The following DACH2 variants were observed in gnomAD, a reference collection of about 807,000 sequenced individuals.
DACH2 encodes dachshund homolog 2.
DACH2 carries 17 observed loss-of-function variants against 35.8 expected under a neutral mutation model. The observed-to-expected ratio is 0.48, with a 90% CI of 0.33 to 0.71. The LOEUF (loss-of-function observed/expected upper bound fraction) is 0.71. Among genes scored for constraint, DACH2 ranks in the 30% least tolerant of loss-of-function variants. The probability of loss-of-function intolerance (pLI) is 0.02; values close to 1 mark genes in which losing one functional copy is unlikely to be tolerated. For missense variants in DACH2, 469 were observed against 472.7 expected (o/e 0.99, Z 0.07); for synonymous variants, 195 against 177.3 (o/e 1.10, Z -0.79).
chrX:86,525,057 G>T (rs1438885330), intron 3 of DACH2, among the ~76,000 whole-genome samples: 1 of 111,605 alleles, frequency 9.0e-6, no homozygotes, highest in Non-Finnish European at 1.9e-5. Flanking sequence ...TGAAGAAAAT[G>T]AGTTTTTAAG....
intron 3 of DACH2, among the ~76,000 whole-genome samples, chrX:86,597,860 T>C (rs1423166540): frequency 1.8e-5 from 2 of 111,798 alleles, no homozygotes; most frequent in East Asian, 2.8e-4. Flanking sequence ...TATATTGTAT[T>C]AGTCCGTTTT....
At chrX:86,254,046 A>G (rs1245068357) in intron 1 of DACH2, among the ~76,000 whole-genome samples, 1 of 112,226 alleles carries the variant, frequency 8.9e-6, no homozygotes, top group African/African-American at 3.2e-5. Flanking sequence ...ATATTAAGTT[A>G]AAAAGAATCA....
At position 86,148,809 on chromosome X, in the gene DACH2, C is replaced by A; in HGVS notation, c.189C>A (p.Thr63=). 8.3e-7 allele frequency: 1 copy of A among 1,211,692 alleles called. No homozygotes were observed. The highest frequency in any genetic ancestry group is 1.1e-6 in the Non-Finnish European group (1 of 895,535). ...CCGGAGGCGGCGGCAGGGGCAACAC[C>A]AACACCAACGAGTGCCGCATGGTCG... ...NSAGGGGRGN[T]NTNECRMVDM... Residue 63 remains threonine, a synonymous_variant, in exon 1 of 12, where the codon ACC becomes ACA. Coordinates refer to ENST00000373125, the MANE Select transcript of DACH2 (RefSeq NM_053281.3).
chrX:86,762,824 A>T (rs1569479362), intron 7 of DACH2, among the ~76,000 whole-genome samples: 1 of 111,835 alleles, frequency 8.9e-6, no homozygotes, highest in Admixed American at 9.5e-5. Flanking sequence ...AAACAATCCA[A>T]TTAAATTCTT....
At chrX:86,542,451 C>G (rs1384301333) in intron 3 of DACH2, among the ~76,000 whole-genome samples, 3 of 111,144 alleles carry the variant, frequency 2.7e-5, no homozygotes, top group African/African-American at 9.8e-5. Context: ...GTCAGGGCAA[C>G]CTTTGGGGTG....
chrX:86,778,940 C>G (rs1440175401), intron 7 of DACH2, among the ~76,000 whole-genome samples: 1 of 111,484 alleles, frequency 9.0e-6, no homozygotes, highest in African/African-American at 3.3e-5. Context: ...ATTTCACAAA[C>G]ATTTATTGAC....
intron 2 of DACH2, among the ~76,000 whole-genome samples, chrX:86,407,123 A>G (rs1325571461): frequency 8.9e-6 from 1 of 112,143 alleles, no homozygotes; most frequent in Non-Finnish European, 1.9e-5. Context: ...ATAATCAAAT[A>G]AAACAGTGAA....
chrX:86,339,811 G>T (rs894496741), intron 1 of DACH2, among the ~76,000 whole-genome samples: 30 of 111,991 alleles, frequency 2.7e-4, no homozygotes, highest in African/African-American at 9.7e-4. Flanking sequence ...TCTTCAAAAT[G>T]CTAATATGAT....
At chrX:86,186,146 T>C (rs1484252207) in intron 1 of DACH2, among the ~76,000 whole-genome samples, 1 of 112,733 alleles carries the variant, frequency 8.9e-6, no homozygotes, top group Non-Finnish European at 1.9e-5. Flanking sequence ...ACTAATATGT[T>C]TACTAAAAAT....
intron 7 of DACH2, among the ~76,000 whole-genome samples, chrX:86,756,648 T>G (rs1455353780): frequency 9.0e-6 from 1 of 111,148 alleles, no homozygotes; most frequent in Non-Finnish European, 1.9e-5. Flanking sequence ...AATCTTTAGG[T>G]TTTTTGGATA....
At chrX:86,796,802 C>G (rs1184439339) in intron 7 of DACH2, among the ~76,000 whole-genome samples, 1 of 111,576 alleles carries the variant, frequency 9.0e-6, no homozygotes, top group East Asian at 2.8e-4. Context: ...ATCATTGGCT[C>G]TGAGTACAAT....
intron 3 of DACH2, among the ~76,000 whole-genome samples, chrX:86,623,448 A>G (rs2040091782): frequency 9.0e-6 from 1 of 111,484 alleles, no homozygotes; most frequent in South Asian, 3.8e-4. Flanking sequence ...TTTTTTTGGG[A>G]AACAGAGGGT....
chrX:86,343,087 T>G lies in DACH2; in HGVS notation c.489-33737T>G, dbSNP rs1290936710. On this transcript the variant is annotated intron_variant, in intron 1 of 11. Coordinates refer to ENST00000373125, the MANE Select transcript of DACH2 (RefSeq NM_053281.3). The stretch of plus-strand genomic sequence containing the variant: ...ACTTTTGCATGCACTGGGCAACCCA[T>G]AAATTTGTGTGACTTGTTTTATTGT... Among the ~76,000 whole-genome samples the G allele has an allele frequency of 2.7e-5, 3 of 112,106 alleles. No individual in the cohort carries two copies. In the East Asian group the frequency reaches 8.4e-4, roughly 31 times the overall value.
At chrX:86,446,068 T>A (rs2148190282) in intron 2 of DACH2, among the ~76,000 whole-genome samples, 1 of 111,155 alleles carries the variant, frequency 9.0e-6, no homozygotes, top group African/African-American at 3.3e-5. Flanking sequence ...ATTATTATAT[T>A]CTCTTGCTGA....
intron 3 of DACH2, among the ~76,000 whole-genome samples, chrX:86,650,261 C>G (rs200654495): frequency 1.1e-5 from 1 of 92,016 alleles, no homozygotes; most frequent in Non-Finnish European, 2.3e-5. Context: ...AAGATTATAA[C>G]TATACTACAG....
intron 3 of DACH2, among the ~76,000 whole-genome samples, chrX:86,598,621 G>C (rs1452138804): frequency 9.1e-6 from 1 of 110,468 alleles, no homozygotes; most frequent in Non-Finnish European, 1.9e-5. Context: ...TAACAAGCTG[G>C]TCTGTGGCTT....
At chrX:86,701,523 G>A (rs746728025) in intron 5 of DACH2, among the ~76,000 whole-genome samples, 2 of 111,701 alleles carry the variant, frequency 1.8e-5, no homozygotes, top group African/African-American at 6.5e-5. Flanking sequence ...CAATCAGGCA[G>A]GGGGAAGAAA....
intron 1 of DACH2, among the ~76,000 whole-genome samples, chrX:86,216,012 A>G (rs1009214831): frequency 8.9e-6 from 1 of 111,898 alleles, no homozygotes; most frequent in African/African-American, 3.2e-5. Context: ...GCAAATCTAT[A>G]TATACCTATC....
chrX:86,328,258 A>G (rs1352037929), intron 1 of DACH2, among the ~76,000 whole-genome samples: 1 of 111,742 alleles, frequency 8.9e-6, no homozygotes, highest in African/African-American at 3.2e-5. Flanking sequence ...TCTGCCGTGT[A>G]TTAAACTTTT....
Sources: gnomAD v4.1 joint callset for allele counts (sites outside exome capture counted in the v4.1 genomes callset) on GRCh38, gnomAD v4.1.1 for gene constraint, MANE v1.5 for transcripts, NCBI Gene and HGNC (gene_info 2026-07-23, HGNC 2026-07-21) for gene names.